FBXL4: variants seen among roughly 807,000 people sequenced by gnomAD.
The protein encoded by FBXL4 is F-box and leucine rich repeat protein 4, also known as F-box/LRR-repeat protein 4.
In FBXL4, 40 loss-of-function variants were observed where a neutral mutation model predicts 58.9. The ratio of observed to expected loss-of-function variants is 0.68; its 90% CI spans 0.53 to 0.88. The LOEUF is 0.88. Ranked by LOEUF, FBXL4 falls within the 40% of genes least tolerant of loss-of-function variation. The probability of loss-of-function intolerance (pLI) is 0.00; values close to 1 mark genes in which losing one functional copy is unlikely to be tolerated. For synonymous variants in FBXL4, 263 were observed against 265.5 expected (o/e 0.99, Z 0.09); for missense variants, 676 against 734.4 (o/e 0.92, Z 0.92).
chr6:98,885,442 C>T (rs866177656), intron 7 of FBXL4, among the ~76,000 whole-genome samples: 1 of 151,086 alleles, frequency 6.6e-6, no homozygotes, highest in Non-Finnish European at 1.5e-5. Flanking sequence ...ATGAGATTAA[C>T]ATTTAAATCA....
At chr6:98,900,256 T>C (rs1460789280) in intron 6 of FBXL4, among the ~76,000 whole-genome samples, 2 of 152,186 alleles carry the variant, frequency 1.3e-5, no homozygotes, top group South Asian at 2.1e-4. Context: ...CATGAAACTT[T>C]ATCAACTAAG....
intron 9 of FBXL4, among the ~76,000 whole-genome samples, chr6:98,874,679 C>T (rs1438115108): frequency 6.6e-6 from 1 of 152,162 alleles, no homozygotes; most frequent in African/African-American, 2.4e-5. Flanking sequence ...CAATATCCTA[C>T]CCACTATCTT....
chr6:98,922,836 A>G lies in FBXL4; in HGVS notation c.512+3641T>C, dbSNP rs112917181. Reference sequence around the variant, plus strand: ...ACATTGGCATTTTGTTTGTCTTTTTACTGTATGTTAATTTAGCAAAGTAAA... The same window carrying G: ...ACATTGGCATTTTGTTTGTCTTTTTGCTGTATGTTAATTTAGCAAAGTAAA... On this transcript the variant is annotated intron_variant, in intron 4 of 9. Coordinates refer to ENST00000369244, the MANE Select transcript of FBXL4 (RefSeq NM_001278716.2). Among the ~76,000 whole-genome samples, 251 of 152,218 alleles carry G rather than the reference A, an allele frequency of 1.6e-3. 2 individuals are homozygous for G. The highest frequency in any genetic ancestry group is 5.5e-3 in the African/African-American group (230 of 41,532).
chr6:98,906,428 TG>T (rs1771815973), intron 5 of FBXL4, among the ~76,000 whole-genome samples: 1 of 152,060 alleles, frequency 6.6e-6, no homozygotes, highest in Non-Finnish European at 1.5e-5. Context: ...GGTGCTTGGT[TG>T]TCTGTTCCTG....
chr6:98,883,732 G>A (rs1322330450), intron 7 of FBXL4, among the ~76,000 whole-genome samples: 1 of 150,498 alleles, frequency 6.6e-6, no homozygotes, highest in African/African-American at 2.4e-5. Context: ...TCTACTTCTG[G>A]GTCATTTTGT....
At chr6:98,916,188 G>A (rs1772338518) in intron 5 of FBXL4, among the ~76,000 whole-genome samples, 1 of 150,968 alleles carries the variant, frequency 6.6e-6, no homozygotes, top group African/African-American at 2.4e-5. Context: ...AGAGGATGTG[G>A]AGAAATAGGA....
intron 5 of FBXL4, among the ~76,000 whole-genome samples, chr6:98,906,158 C>A (rs1771800776): frequency 1.3e-5 from 2 of 149,490 alleles, no homozygotes; most frequent in Non-Finnish European, 3.0e-5. Context: ...GTACCTGTGC[C>A]AGGAACACTC....
intron 7 of FBXL4, among the ~76,000 whole-genome samples, chr6:98,892,872 G>A (rs2128386086): frequency 6.6e-6 from 1 of 152,292 alleles, no homozygotes; most frequent in East Asian, 1.9e-4. Flanking sequence ...TCATATACTA[G>A]TCCCCCACAA....
intron 8 of FBXL4, 113 bp downstream of exon 8, chr6:98,880,440 A>C (rs1278093822): frequency 1.3e-6 from 1 of 799,980 alleles, no homozygotes; most frequent in African/African-American, 1.7e-5. Context: ...GAGAACCATA[A>C]ATCTGAAAAA....
At chr6:98,924,847 C>T (rs1772715403) in intron 4 of FBXL4, among the ~76,000 whole-genome samples, 1 of 152,200 alleles carries the variant, frequency 6.6e-6, no homozygotes, top group African/African-American at 2.4e-5. Flanking sequence ...CCTCTGCCCG[C>T]CTCCTCCTGC....
In FBXL4 at chr6:98,905,544, A is replaced by ATGG. The variant is rs1350647103; in HGVS notation, c.984_985insCCA (p.Tyr328_Trp329insPro). ...AGAGAAGTGTCATCTAGTTTTGCCCAGTATGGTTGCAGATTGAGGTGGATG... is the reference window on the plus strand; with the variant it reads ...AGAGAAGTGTCATCTAGTTTTGCCCATGGGTATGGTTGCAGATTGAGGTGGATG... On this transcript the variant is annotated inframe_insertion, in exon 6 of 10. Coordinates refer to ENST00000369244, the MANE Select transcript of FBXL4 (RefSeq NM_001278716.2). 1.9e-6 allele frequency: 3 copies of ATGG among 1,613,942 alleles called. No individual in the cohort carries two copies. The highest frequency in any genetic ancestry group is 2.5e-6 in the Non-Finnish European group (3 of 1,179,972).
intron 4 of FBXL4, among the ~76,000 whole-genome samples, chr6:98,921,677 G>C (rs1421231127): frequency 6.6e-6 from 1 of 152,040 alleles, no homozygotes; most frequent in Non-Finnish European, 1.5e-5. Context: ...TCCAGGTCAT[G>C]ACAAATTTGT....
intron 7 of FBXL4, among the ~76,000 whole-genome samples, chr6:98,882,559 C>G (rs1242542441): frequency 6.6e-6 from 1 of 151,804 alleles, no homozygotes; most frequent in Non-Finnish European, 1.5e-5. Context: ...TATGAAGAAT[C>G]TCAAATATAC....
intron 1 of FBXL4, among the ~76,000 whole-genome samples, chr6:98,938,180 T>C (rs1244313498): frequency 1.3e-5 from 2 of 152,104 alleles, no homozygotes; most frequent in Non-Finnish European, 2.9e-5. Context: ...TTGATGGCCT[T>C]CACAGTTTTT....
chr6:98,891,743 T>G (rs1016988896), intron 7 of FBXL4, among the ~76,000 whole-genome samples: 1 of 148,726 alleles, frequency 6.7e-6, no homozygotes, highest in Non-Finnish European at 1.5e-5. Flanking sequence ...AAAAAAAAAA[T>G]TTAAAGACAT....
intron 5 of FBXL4, among the ~76,000 whole-genome samples, chr6:98,907,510 C>G (rs889522352): frequency 6.6e-6 from 1 of 152,132 alleles, no homozygotes; most frequent in Non-Finnish European, 1.5e-5. Flanking sequence ...ATTGTTATCT[C>G]TAATTAAAAT....
intron 7 of FBXL4, among the ~76,000 whole-genome samples, chr6:98,885,309 C>G (rs1770999081): frequency 6.6e-6 from 1 of 152,156 alleles, no homozygotes; most frequent in Non-Finnish European, 1.5e-5. Context: ...ACCATGTTGG[C>G]CAGGATGGTC....
intron 7 of FBXL4, chr6:98,896,732 G>A (rs934309024): frequency 9.0e-6 from 8 of 888,384 alleles, no homozygotes; most frequent in Non-Finnish European, 1.1e-5. Context: ...GGAAGTAACA[G>A]AGGGTACAAC....
intron 4 of FBXL4, among the ~76,000 whole-genome samples, chr6:98,919,428 C>T (rs1423289271): frequency 2.0e-5 from 3 of 152,126 alleles, no homozygotes; most frequent in Admixed American, 2.0e-4. Context: ...TCAGAGGCAA[C>T]ATTAAAGTAG....
Sources: allele counts gnomAD v4.1 joint callset (sites outside exome capture counted in the v4.1 genomes callset), GRCh38; gene constraint gnomAD v4.1.1; transcripts MANE v1.5; gene names NCBI Gene and HGNC (gene_info 2026-07-23, HGNC 2026-07-21).